Variants in STK32C observed in about 807,000 individuals in gnomAD.
The protein encoded by STK32C is serine/threonine kinase 32C, also known as serine/threonine-protein kinase 32C.
A neutral mutation model predicts 56.5 loss-of-function variants in STK32C; 31 were observed. That is an observed-to-expected ratio of 0.55 (90% CI 0.41 to 0.74). STK32C has a LOEUF of 0.74. Ranked by LOEUF, STK32C falls within the 30% of genes least tolerant of loss-of-function variation. The probability of loss-of-function intolerance (pLI) is 0.00; values close to 1 mark genes in which losing one functional copy is unlikely to be tolerated. For missense variants in STK32C, 544 were observed against 676.9 expected (o/e 0.80, Z 2.18); for synonymous variants, 309 against 289.4 (o/e 1.07, Z -0.69).
Position 132,262,423 on chromosome 10 carries a change from G to A in STK32C, c.263-16468C>T, listed in dbSNP as rs370063181. On this transcript the variant is annotated intron_variant, in intron 1 of 11. Transcript: ENST00000298630. Reference sequence around the variant, plus strand: ...CCTCAAAAGCAATTTCCATAAAAACGAAATGTGACAAGTGGAACCTAATTA... The same window carrying A: ...CCTCAAAAGCAATTTCCATAAAAACAAAATGTGACAAGTGGAACCTAATTA... Among the ~76,000 whole-genome samples, 7 of 152,086 alleles carry A rather than the reference G, an allele frequency of 4.6e-5. No individual in the cohort carries two copies. In the South Asian group the frequency reaches 8.3e-4, roughly 18 times the overall value.
At chr10:132,279,708 GA>G in intron 1 of STK32C, among the ~76,000 whole-genome samples, 1 of 115,868 alleles carries the variant, frequency 8.6e-6, no homozygotes, top group East Asian at 2.1e-4. Flanking sequence ...CCGTGATCAC[GA>G]CACTCCACTC....
downstream of STK32C, among the ~76,000 whole-genome samples, chr10:132,321,554 G>A (rs772026353): frequency 5.9e-5 from 9 of 152,152 alleles, no homozygotes; most frequent in Admixed American, 1.3e-4. Flanking sequence ...TAAGGGCCGG[G>A]CATGGTCGTT....
Position 132,269,181 on chromosome 10 carries a change from G to A in STK32C, c.263-23226C>T, listed in dbSNP as rs367754620. 4.6e-5 allele frequency among the ~76,000 whole-genome samples: 7 copies of A among 151,982 alleles called. No individual in the cohort carries two copies. In the South Asian group the frequency reaches 6.2e-4, roughly 13 times the overall value. On this transcript the variant is annotated intron_variant, in intron 1 of 11. Coordinates refer to ENST00000298630, the MANE Select transcript of STK32C (RefSeq NM_173575.4). ...GCATCGTGTGTGCATGTGTCACATC[G>A]TGTGTGTGTCTGTGTGTGCATGCAT...
chr10:132,330,634 C>A, intron 1 of STK32C: 1 of 669,106 alleles, frequency 1.5e-6, no homozygotes, highest in Non-Finnish European at 2.7e-6. Context: ...CACCCTCCCA[C>A]ACAGCTGGAA....
intron 1 of STK32C, among the ~76,000 whole-genome samples, chr10:132,262,204 C>T (rs1028089126): frequency 6.6e-6 from 1 of 152,120 alleles, no homozygotes; most frequent in East Asian, 1.9e-4. Context: ...AAGGACTCCC[C>T]ATTCAATAAA....
intron 1 of STK32C, among the ~76,000 whole-genome samples, chr10:132,271,482 G>A (rs2064821684): frequency 6.6e-6 from 1 of 152,178 alleles, no homozygotes; most frequent in Admixed American, 6.5e-5. Flanking sequence ...CTGGGCACCT[G>A]AGGCTGGCCC....
chr10:132,324,691 G>A (rs1319369648), intron 1 of STK32C, among the ~76,000 whole-genome samples: 1 of 152,212 alleles, frequency 6.6e-6, no homozygotes, highest in East Asian at 1.9e-4. Context: ...AATACTTAAA[G>A]AGGTTTATTT....
chr10:132,279,853 C>CTGTG (rs2065105801), intron 1 of STK32C, among the ~76,000 whole-genome samples: 1 of 130,298 alleles, frequency 7.7e-6, no homozygotes, highest in African/African-American at 2.9e-5. Flanking sequence ...TGCACCCCAT[C>CTGTG]ATCACGCCCC....
intron 1 of STK32C, among the ~76,000 whole-genome samples, chr10:132,271,467 C>T (rs574512099): frequency 1.8e-4 from 28 of 152,330 alleles, no homozygotes; most frequent in African/African-American, 6.3e-4. Flanking sequence ...CCACGCCCTG[C>T]CTCACTGGGC....
chr10:132,226,592 C>A (rs1336905056), intron 4 of STK32C, among the ~76,000 whole-genome samples: 2 of 152,216 alleles, frequency 1.3e-5, no homozygotes, highest in Non-Finnish European at 2.9e-5. Flanking sequence ...CGAGGTCCCC[C>A]CAGATGGACA....
At chr10:132,261,927 G>C (rs1324556579) in intron 1 of STK32C, among the ~76,000 whole-genome samples, 2 of 152,130 alleles carry the variant, frequency 1.3e-5, no homozygotes, top group African/African-American at 4.8e-5. Flanking sequence ...ATTTTTCACA[G>C]AAACAGGAAA....
intron 1 of STK32C, among the ~76,000 whole-genome samples, chr10:132,272,228 A>G (rs771630163): frequency 1.3e-5 from 2 of 152,206 alleles, no homozygotes; most frequent in Non-Finnish European, 2.9e-5. Context: ...GTCCTCACAG[A>G]AAAGATCAGG....
intron 1 of STK32C, among the ~76,000 whole-genome samples, chr10:132,257,343 G>A (rs2064157396): frequency 6.6e-6 from 1 of 151,332 alleles, no homozygotes; most frequent in Non-Finnish European, 1.5e-5. Context: ...CCGTGCCACT[G>A]TCTCCCACAG....
rs1014818217 is a variant in STK32C, at chr10:132,208,154, G to A, written c.1320-3C>T. 7.6e-7 allele frequency: 1 copy of A among 1,309,780 alleles called. No homozygotes were observed. Among genetic ancestry groups the A allele is most frequent in the Non-Finnish European group, 9.8e-7 (1 of 1,021,014 alleles). 81.1% of individuals were successfully genotyped at this position (1,309,780 alleles called of 1,614,324 possible). ...GGAGGTCCTGGCTCCTCTTCAGCCT[G>A]GGGTGGCAGGAACACATGGAGGGCG... On this transcript the variant is annotated splice_region_variant and splice_polypyrimidine_tract_variant and intron_variant, in intron 11 of 11. Coordinates refer to ENST00000298630, the MANE Select transcript of STK32C (RefSeq NM_173575.4).
In STK32C at chr10:132,307,560, G is replaced by C. The variant is rs374909971; in HGVS notation, c.262+12C>G. ...CGCGCGGCCCCCACGTCGTCCCCGT[G>C]CCCGCACTCACCGTCCTCCTTGTCG... On this transcript the variant is annotated intron_variant, in intron 1 of 11. Transcript: ENST00000298630. This position sits in a 1 kb window ranked among gnomAD's most constrained non-coding sequence, Gnocchi z 4.4. 373 of 1,540,356 alleles carry C rather than the reference G, an allele frequency of 2.4e-4. 1 individual carries two copies. Among genetic ancestry groups the C allele is most frequent in the Middle Eastern group, 1.4e-3 (7 of 4,922 alleles).
intron 2 of STK32C, among the ~76,000 whole-genome samples, chr10:132,231,344 G>A (rs78367687): frequency 0.024 from 3,711 of 152,376 alleles, 170 homozygotes; most frequent in African/African-American, 0.083. Flanking sequence ...GCCTGGCCCT[G>A]TGGGAGGAGC....
At chr10:132,288,908 C>T (rs193087288) in intron 1 of STK32C, among the ~76,000 whole-genome samples, 1 of 152,262 alleles carries the variant, frequency 6.6e-6, no homozygotes, top group East Asian at 1.9e-4. Flanking sequence ...CTAACACAGT[C>T]TGAATCAACA....
rs1206728731 is a variant in STK32C, at chr10:132,299,710, G to A, written c.262+7862C>T. ...CCCACAGCATCGTGAGAAACCACAA[G>A]GAGGCTGATAAGTCACTAGTGTAGG... On this transcript the variant is annotated intron_variant, in intron 1 of 11. Transcript: ENST00000298630. 2.0e-5 allele frequency among the ~76,000 whole-genome samples: 3 copies of A among 152,246 alleles called. No homozygotes were observed. The East Asian group carries it at 5.8e-4, about 29-fold the overall frequency.
chr10:132,287,714 A>G (rs1226660336), intron 1 of STK32C, among the ~76,000 whole-genome samples: 2 of 151,894 alleles, frequency 1.3e-5, no homozygotes, highest in African/African-American at 4.8e-5. Context: ...CAGCCTCCCA[A>G]AGTACTGGGA....
Sources: gnomAD v4.1 joint callset for allele counts (sites outside exome capture counted in the v4.1 genomes callset) on GRCh38, gnomAD v4.1.1 for gene constraint, Gnocchi (gnomAD v3.1) non-coding constraint, MANE v1.5 for transcripts, NCBI Gene and HGNC (gene_info 2026-07-23, HGNC 2026-07-21) for gene names.